C4orf51: variants seen among roughly 807,000 people sequenced by gnomAD.
C4orf51 encodes the protein uncharacterized protein C4orf51.
In C4orf51, 25 loss-of-function variants were observed where a neutral mutation model predicts 25.2. The observed-to-expected ratio is 0.99, with a 90% CI of 0.72 to 1.39. The LOEUF (loss-of-function observed/expected upper bound fraction) is 1.39. Among genes scored for constraint, C4orf51 ranks in the 40% most tolerant of loss-of-function variants. C4orf51 has a pLI of 0.00. For missense variants in C4orf51, 252 were observed against 239.6 expected (o/e 1.05, Z -0.34); for synonymous variants, 100 against 84.5 (o/e 1.18, Z -1.01).
rs1326698701 is a variant in C4orf51, at chr4:145,761,256, T to C, written n.167-9732T>C. On this transcript the variant is annotated intron_variant and non_coding_transcript_variant, in intron 1 of 1. Transcript: ENST00000510096. The surrounding 1 kb of genome is among the most constrained non-coding windows in gnomAD (Gnocchi z 6.8). ...GGTGTGTGGTCTTGAACAGGCACTC[T>C]TCGCAGCTGAAGGTCTGGCGTGGGG... 1 of 1,289,890 alleles carries C rather than the reference T, an allele frequency of 7.8e-7. No individual in the cohort carries two copies. The allele number at this position is 1,289,890 out of a possible 1,614,324, so 79.9% of individuals were successfully genotyped here. A position where few individuals can be genotyped will look rare whatever the true frequency, so the allele number is the denominator to read the frequency against.
chr4:145,699,028 T>A (rs998484131), intron 2 of C4orf51, among the ~76,000 whole-genome samples: 1 of 151,734 alleles, frequency 6.6e-6, no homozygotes, highest in Non-Finnish European at 1.5e-5. Context: ...GTCCTTTTCC[T>A]GGCTCATTCT....
intron 2 of C4orf51, among the ~76,000 whole-genome samples, chr4:145,714,407 A>T (rs1731291530): frequency 6.6e-6 from 1 of 152,226 alleles, no homozygotes; most frequent in Non-Finnish European, 1.5e-5. Flanking sequence ...AGGATCTAGT[A>T]CAGTTTTATT....
chr4:145,781,783 C>T, the C4orf51 span, among the ~76,000 whole-genome samples: 1 of 152,142 alleles, frequency 6.6e-6, no homozygotes, highest in Non-Finnish European at 1.5e-5. Context: ...CAAAACAGTG[C>T]TTCAAAGAAC....
chr4:145,763,849 GCCCTCCCCTCC>G lies in C4orf51; in HGVS notation n.167-7130_167-7120del, dbSNP rs1734874882. On this transcript the variant is annotated intron_variant and non_coding_transcript_variant, in intron 1 of 1. Coordinates refer to the C4orf51 transcript ENST00000510096. The surrounding 1 kb of genome is among the most constrained non-coding windows in gnomAD (Gnocchi z 4.6). ...AATCACCCCCTCCCCAATCCCTTCTGCCCTCCCCTCCCCCTCCCCCAAGAGTGAAACGAAAT... is the reference window on the plus strand; with the variant it reads ...AATCACCCCCTCCCCAATCCCTTCTGCCCTCCCCCAAGAGTGAAACGAAAT... Among the ~76,000 whole-genome samples the G allele has an allele frequency of 6.6e-6, 1 of 151,016 alleles. No individual in the cohort carries two copies. The highest frequency in any genetic ancestry group is 1.5e-5 in the Non-Finnish European group (1 of 67,706).
chr4:145,727,023 T>C (rs1732100593), intron 3 of C4orf51, 54 bp downstream of exon 3: 1 of 1,338,456 alleles, frequency 7.5e-7, no homozygotes, highest in African/African-American at 1.5e-5. Context: ...TAAATTATTA[T>C]ACACTGCATA....
Position 145,768,909 on chromosome 4 carries a change from AT to A in C4orf51, n.167-2078del, listed in dbSNP as rs1560894680. ...AAAAAAAATATATATATATATATAT[AT>A]ATATATTAGGTATACAAAGTTTGGA... On this transcript the variant is annotated intron_variant and non_coding_transcript_variant, in intron 1 of 1. Coordinates refer to the C4orf51 transcript ENST00000510096. Among the ~76,000 whole-genome samples, 96 of 41,976 alleles carry A rather than the reference AT, an allele frequency of 2.3e-3. 13 individuals carry two copies. Among genetic ancestry groups the A allele is most frequent in the African/African-American group, 5.3e-3 (73 of 13,668 alleles). The allele number at this position is 41,976 out of a possible 152,430, so 27.5% of individuals were successfully genotyped here. A position where few individuals can be genotyped will look rare whatever the true frequency, so the allele number is the denominator to read the frequency against.
At chr4:145,786,545 A>C in the C4orf51 span, among the ~76,000 whole-genome samples, 1 of 152,224 alleles carries the variant, frequency 6.6e-6, no homozygotes, top group Non-Finnish European at 1.5e-5. Context: ...GGCATACCTC[A>C]AACTGAAATT....
At chr4:145,715,275 G>A (rs112945759) in intron 2 of C4orf51, among the ~76,000 whole-genome samples, 120 of 152,306 alleles carry the variant, frequency 7.9e-4, no homozygotes, top group African/African-American at 2.7e-3. Context: ...CCGAGCCCTG[G>A]TGGCTGTGAG....
intron 2 of C4orf51, among the ~76,000 whole-genome samples, chr4:145,717,244 A>T (rs1731467284): frequency 6.6e-6 from 1 of 152,224 alleles, no homozygotes; most frequent in African/African-American, 2.4e-5. Context: ...TACAGCAGGT[A>T]TTACTTTGCA....
rs1441416517 is a variant in C4orf51, at chr4:145,693,649, G to T, written c.234-2910G>T. ...CCTCACCTCCCGGACGGGGCGGCTGGCCGGGCAGGGGGGCTGACCCCCCCC... is the reference window on the plus strand; with the variant it reads ...CCTCACCTCCCGGACGGGGCGGCTGTCCGGGCAGGGGGGCTGACCCCCCCC... On this transcript the variant is annotated intron_variant, in intron 1 of 5. Coordinates refer to ENST00000438731, the MANE Select transcript of C4orf51 (RefSeq NM_001080531.3). Among the ~76,000 whole-genome samples, 92 of 97,182 alleles carry T rather than the reference G, an allele frequency of 9.5e-4. 3 individuals carry two copies. Among genetic ancestry groups the T allele is most frequent in the African/African-American group, 3.8e-3 (86 of 22,398 alleles). The allele number at this position is 97,182 out of a possible 152,430, so 63.8% of individuals were successfully genotyped here.
rs1005264607 is a variant in C4orf51 at position 145,765,902 on chromosome 4, C to A, written n.167-5086C>A. On this transcript the variant is annotated intron_variant and non_coding_transcript_variant, in intron 1 of 1. Coordinates refer to the C4orf51 transcript ENST00000510096. The surrounding 1 kb of genome is among the most constrained non-coding windows in gnomAD (Gnocchi z 4.7). ...CTGGGGGATCCCAGGTCCTAAGGCA[C>A]CTACCTCCTTTGTGGTACTGGGGGC... is the stretch of plus-strand genomic sequence containing the variant. Among the ~76,000 whole-genome samples, 1 of 152,130 alleles carries A rather than the reference C, an allele frequency of 6.6e-6. No homozygotes were observed. Among genetic ancestry groups the A allele is most frequent in the Non-Finnish European group, 1.5e-5 (1 of 68,006 alleles).
At chr4:145,784,638 T>C in the C4orf51 span, among the ~76,000 whole-genome samples, 1 of 152,224 alleles carries the variant, frequency 6.6e-6, no homozygotes, top group African/African-American at 2.4e-5. Flanking sequence ...TGAAGCATAA[T>C]ATTTGTAAAA....
At chr4:145,735,555 A>G (rs2126784203), downstream of C4orf51, among the ~76,000 whole-genome samples, 1 of 152,174 alleles carries the variant, frequency 6.6e-6, no homozygotes, top group Middle Eastern at 3.4e-3. Flanking sequence ...CCTGAGTGGA[A>G]TGGGACTGAT....
chr4:145,710,167 C>A (rs150850881), intron 2 of C4orf51, among the ~76,000 whole-genome samples: 259 of 152,320 alleles, frequency 1.7e-3, no homozygotes, highest in African/African-American at 5.7e-3. Flanking sequence ...CCATACAGAT[C>A]TGCAGCAGTC....
the C4orf51 span, among the ~76,000 whole-genome samples, chr4:145,778,221 C>T: frequency 6.6e-6 from 1 of 152,200 alleles, no homozygotes; most frequent in East Asian, 1.9e-4. Context: ...GCAACTTCCA[C>T]CTCCTGGGTT....
chr4:145,717,808 G>A (rs761443707), intron 2 of C4orf51, among the ~76,000 whole-genome samples: 1 of 152,206 alleles, frequency 6.6e-6, no homozygotes, highest in East Asian at 1.9e-4. Flanking sequence ...GGTTTGATTT[G>A]GTTGTAGCTT....
At chr4:145,691,976 C>CACACAATATAT (rs1427861062) in intron 1 of C4orf51, among the ~76,000 whole-genome samples, 7 of 151,636 alleles carry the variant, frequency 4.6e-5, no homozygotes, top group East Asian at 1.9e-4. Flanking sequence ...TGATATACAG[C>CACACAATATAT]TGATAGGAAT....
At position 145,680,449 on chromosome 4, in the gene C4orf51, T is replaced by C. The variant is rs1728760566; in HGVS notation, c.233+13T>C. The stretch of plus-strand genomic sequence containing the variant: ...CTGAGTGTAAACAGTAAGATTTCTT[T>C]GTAATTTGCACCTGGATATATCACT... On this transcript the variant is annotated intron_variant, in intron 1 of 5. Coordinates refer to ENST00000438731, the MANE Select transcript of C4orf51 (RefSeq NM_001080531.3). 8 of 1,594,978 alleles carry C rather than the reference T, an allele frequency of 5.0e-6. No individual in the cohort carries two copies. The highest frequency in any genetic ancestry group is 6.9e-6 in the Non-Finnish European group (8 of 1,163,812).
At chr4:145,702,300 A>T (rs562379955) in intron 2 of C4orf51, among the ~76,000 whole-genome samples, 244 of 151,488 alleles carry the variant, frequency 1.6e-3, no homozygotes, top group African/African-American at 5.7e-3. Context: ...CCTATCCTCA[A>T]TACCTCCCTC....
Sources: allele counts gnomAD v4.1 joint callset (sites outside exome capture counted in the v4.1 genomes callset), GRCh38; gene constraint gnomAD v4.1.1; non-coding constraint Gnocchi (gnomAD v3.1); transcripts MANE v1.5; gene names NCBI Gene and HGNC (gene_info 2026-07-23, HGNC 2026-07-21).